RAD51B: variants seen among roughly 807,000 people sequenced by gnomAD.
The protein encoded by RAD51B is DNA repair protein RAD51 homolog 2.
RAD51B carries 38 observed loss-of-function variants against 42.2 expected under a neutral mutation model. The observed-to-expected ratio is 0.90, with a 90% CI of 0.70 to 1.18. The LOEUF is 1.18. Ranked by LOEUF, RAD51B falls within the 50% of genes most tolerant of loss-of-function variation. The pLI, the probability that RAD51B is intolerant of heterozygous loss-of-function variation, is 0.00. For synonymous variants in RAD51B, 154 were observed against 145.2 expected, an observed-to-expected ratio of 1.06 and a Z score of -0.43; for missense variants, 373 against 400.7, an observed-to-expected ratio of 0.93 and a Z score of 0.59.
At chr14:68,264,176 A>T (rs757299023) in intron 7 of RAD51B, among the ~76,000 whole-genome samples, 2 of 152,226 alleles carry the variant, frequency 1.3e-5, no homozygotes, top group Non-Finnish European at 2.9e-5. Context: ...GATCGTGTTT[A>T]TTCAGGACTA....
rs1471706907 is a variant in RAD51B, at chr14:67,885,948, C to T, written c.532C>T (p.His178Tyr). The change falls in exon 6 of 11, where the codon CAT (histidine) becomes TAT (tyrosine). Residue 178 changes from histidine (H) to tyrosine (Y), a missense_variant. Physicochemically the swap from His to Tyr is moderately conservative, Grantham distance 83. Coordinates refer to ENST00000471583, the MANE Select transcript of RAD51B (RefSeq NM_133510.4). ...EKLLLTSSKV[H>Y]LYRELTCDEV... Reference sequence around the variant, plus strand: ...GTTACTTTTGACAAGTAGTAAAGTTCATCTTTATCGGGAACTCACCTGTGA... The same window carrying T: ...GTTACTTTTGACAAGTAGTAAAGTTTATCTTTATCGGGAACTCACCTGTGA... 3.1e-6 allele frequency: 5 copies of T among 1,607,286 alleles called. No homozygotes were observed. The highest frequency in any genetic ancestry group is 2.2e-5 in the East Asian group (1 of 44,766).
At chr14:68,361,339 C>G (rs927547996) in intron 8 of RAD51B, among the ~76,000 whole-genome samples, 4 of 152,190 alleles carry the variant, frequency 2.6e-5, no homozygotes, top group Non-Finnish European at 4.4e-5. Flanking sequence ...AGGTCTTACT[C>G]ATTTCCACCC....
At chr14:68,199,171 T>G (rs2079433255) in intron 7 of RAD51B, among the ~76,000 whole-genome samples, 1 of 152,234 alleles carries the variant, frequency 6.6e-6, no homozygotes, top group East Asian at 1.9e-4. Context: ...TTTCTGTATT[T>G]TCTTTAACTT....
At chr14:68,660,440 T>C (rs972444378) in intron 11 of RAD51B, among the ~76,000 whole-genome samples, 2 of 152,234 alleles carry the variant, frequency 1.3e-5, no homozygotes, top group Non-Finnish European at 1.5e-5. Flanking sequence ...CAAGCTTTTA[T>C]TGGGCATCTA....
intron 9 of RAD51B, among the ~76,000 whole-genome samples, chr14:68,426,740 A>G (rs546990504): frequency 1.3e-5 from 2 of 152,336 alleles, no homozygotes; most frequent in South Asian, 2.1e-4. Context: ...CTAAGCAACC[A>G]TTTGATAAGG....
intron 7 of RAD51B, among the ~76,000 whole-genome samples, chr14:68,065,598 A>G (rs2076637776): frequency 6.6e-6 from 1 of 152,014 alleles, no homozygotes; most frequent in Non-Finnish European, 1.5e-5. Context: ...CACTCCAGGA[A>G]AGCAGGGAGC....
At position 68,441,477 on chromosome 14, in the gene RAD51B, G is replaced by A. The variant is rs2085286256; in HGVS notation, c.958-26695G>A. On this transcript the variant is annotated intron_variant, in intron 9 of 10. Transcript: ENST00000471583. Reference sequence around the variant, plus strand: ...GAATGGAGTGAACCCGGGAGGAGGAGTTTGCAATGAGCCAAGATGGCGCCA... The same window carrying A: ...GAATGGAGTGAACCCGGGAGGAGGAATTTGCAATGAGCCAAGATGGCGCCA... 2.4e-5 allele frequency among the ~76,000 whole-genome samples: 3 copies of A among 126,430 alleles called. No individual in the cohort carries two copies. In the South Asian group the frequency reaches 8.1e-4, roughly 34 times the overall value. 82.9% of individuals were successfully genotyped at this position (126,430 alleles called of 152,430 possible). A position where few individuals can be genotyped will look rare whatever the true frequency, so the allele number is the denominator to read the frequency against.
chr14:67,961,112 T>G (rs756271706), intron 7 of RAD51B, among the ~76,000 whole-genome samples: 13 of 152,150 alleles, frequency 8.5e-5, no homozygotes, highest in Non-Finnish European at 1.3e-4. Flanking sequence ...GCTCAAGTGA[T>G]TCTCCCACCT....
intron 7 of RAD51B, among the ~76,000 whole-genome samples, chr14:68,163,813 G>T (rs1315801931): frequency 1.3e-5 from 2 of 152,110 alleles, no homozygotes; most frequent in Admixed American, 6.6e-5. Context: ...TGGAAATAAG[G>T]CAGTTTCTGA....
At chr14:68,582,835 G>A (rs2140061644) in intron 10 of RAD51B, among the ~76,000 whole-genome samples, 1 of 152,298 alleles carries the variant, frequency 6.6e-6, no homozygotes. Flanking sequence ...AAAAAAGGAT[G>A]AGTTCATGTC....
At chr14:68,143,674 G>A (rs886511430) in intron 7 of RAD51B, among the ~76,000 whole-genome samples, 1 of 152,166 alleles carries the variant, frequency 6.6e-6, no homozygotes, top group Admixed American at 6.5e-5. Flanking sequence ...TTCTATTTAT[G>A]CCAAGTCCTT....
intron 10 of RAD51B, among the ~76,000 whole-genome samples, chr14:68,587,526 G>A (rs1244960014): frequency 6.6e-6 from 1 of 152,090 alleles, no homozygotes; most frequent in East Asian, 1.9e-4. Flanking sequence ...TGGCCCTGGA[G>A]AAGCAAACCC....
intron 7 of RAD51B, among the ~76,000 whole-genome samples, chr14:67,994,717 C>G (rs1264807563): frequency 6.6e-6 from 1 of 152,162 alleles, no homozygotes; most frequent in Non-Finnish European, 1.5e-5. Context: ...AAAATGTTAG[C>G]TCCTTTTCAT....
At chr14:68,563,603 C>T in intron 10 of RAD51B, 2 of 985,454 alleles carry the variant, frequency 2.0e-6, no homozygotes, top group Non-Finnish European at 2.4e-6. Context: ...GGTTTCCTGA[C>T]AGCTGCCTGC....
chr14:67,901,478 A>G (rs2043610948), intron 7 of RAD51B, among the ~76,000 whole-genome samples: 1 of 152,110 alleles, frequency 6.6e-6, no homozygotes, highest in African/African-American at 2.4e-5. Flanking sequence ...CTCCCTCTCT[A>G]TCTGCCTAAA....
chr14:68,324,623 T>C (rs1483241825), intron 8 of RAD51B, among the ~76,000 whole-genome samples: 1 of 152,220 alleles, frequency 6.6e-6, no homozygotes, highest in Non-Finnish European at 1.5e-5. Context: ...TAGAAACTTT[T>C]GTGTTTCATG....
At chr14:68,017,471 C>T (rs2075796191) in intron 7 of RAD51B, among the ~76,000 whole-genome samples, 2 of 152,058 alleles carry the variant, frequency 1.3e-5, no homozygotes, top group Admixed American at 1.3e-4. Flanking sequence ...GCTAGGATTA[C>T]AGGCGTGAGC....
intron 7 of RAD51B, among the ~76,000 whole-genome samples, chr14:67,900,633 A>AGTGT (rs2043581347): frequency 7.0e-6 from 1 of 143,338 alleles, no homozygotes; most frequent in African/African-American, 2.7e-5. Flanking sequence ...TGTCATACAC[A>AGTGT]CACACACACA....
At chr14:68,059,265 C>A (rs1023733533) in intron 7 of RAD51B, among the ~76,000 whole-genome samples, 3 of 152,184 alleles carry the variant, frequency 2.0e-5, no homozygotes, top group African/African-American at 7.2e-5. Context: ...TAAAAAAATT[C>A]TCCCTTCTGT....
Sources: gnomAD v4.1 joint callset for allele counts (sites outside exome capture counted in the v4.1 genomes callset) on GRCh38, gnomAD v4.1.1 for gene constraint, MANE v1.5 for transcripts, NCBI Gene and HGNC (gene_info 2026-07-23, HGNC 2026-07-21) for gene names.